The following DMXL2 variants were observed in gnomAD, a reference collection of about 807,000 sequenced individuals.
The protein encoded by DMXL2 is dmX-like protein 2.
DMXL2 carries 103 observed loss-of-function variants against 331.1 expected under a neutral mutation model. That is an observed-to-expected ratio of 0.31 (90% CI 0.27 to 0.37). DMXL2 has a LOEUF of 0.37. Among genes scored for constraint, DMXL2 ranks in the 10% least tolerant of loss-of-function variants. DMXL2 has a pLI of 1.00. For missense variants in DMXL2, 3,171 were observed against 3,642.9 expected, an observed-to-expected ratio of 0.87 and a Z score of 3.33; for synonymous variants, 1,281 against 1,252.1, an observed-to-expected ratio of 1.02 and a Z score of -0.49.
intron 33 of DMXL2, among the ~76,000 whole-genome samples, chr15:51,461,808 A>T (rs562214933): frequency 6.6e-6 from 1 of 152,162 alleles, no homozygotes; most frequent in Non-Finnish European, 1.5e-5. Flanking sequence ...ACCTAGTGCT[A>T]GGATTACAGG....
At chr15:51,598,500 T>C (rs933238590) in intron 1 of DMXL2, among the ~76,000 whole-genome samples, 3 of 152,208 alleles carry the variant, frequency 2.0e-5, no homozygotes, top group African/African-American at 4.8e-5. Context: ...ATAGTGTCCT[T>C]TATAGTAAAA....
In DMXL2 at chr15:51,464,824, G is replaced by A; in HGVS notation, c.7659C>T (p.Asn2553=). The change falls in exon 32 of 44, where the codon AAC becomes AAT. Residue 2553 remains asparagine, a synonymous_variant. Coordinates refer to ENST00000560891, the MANE Select transcript of DMXL2 (RefSeq NM_001378457.1). ...LGIAVIKNLE[N]WEQILQEKMD... is the part of the protein sequence containing the mutation. ...TTTTCTCTTGCAAGATCTGTTCCCA[G>A]TTCTCCAAGTTTTTAATCACAGCAA... is the stretch of plus-strand genomic sequence containing the variant. 6.2e-7 allele frequency: 1 copy of A among 1,614,092 alleles called. No individual in the cohort carries two copies. The highest frequency in any genetic ancestry group is 8.5e-7 in the Non-Finnish European group (1 of 1,179,992).
chr15:51,488,748 G>T, intron 20 of DMXL2, 103 bp from the exon 21 acceptor site: 2 of 999,620 alleles, frequency 2.0e-6, no homozygotes, highest in South Asian at 1.7e-5. Flanking sequence ...GATAGAAACT[G>T]TGGAGACAGA....
chr15:51,619,627 A>G (rs931026571), intron 1 of DMXL2, among the ~76,000 whole-genome samples: 1 of 152,230 alleles, frequency 6.6e-6, no homozygotes, highest in African/African-American at 2.4e-5. Flanking sequence ...ACACTGTCAT[A>G]AACTCAAAAT....
chr15:51,598,643 T>C (rs975850153), intron 1 of DMXL2, among the ~76,000 whole-genome samples: 29 of 152,344 alleles, frequency 1.9e-4, no homozygotes, highest in African/African-American at 6.7e-4. Context: ...ATAGAATATC[T>C]TAAAATGCAG....
In DMXL2 at chr15:51,560,542, G is replaced by A. The variant is rs187355938; in HGVS notation, c.567+2839C>T. ...AAAAAAAAAAAAAAACTAGCCAGAT[G>A]TGATGGTACACACCTGTATTCCCAG... On this transcript the variant is annotated intron_variant, in intron 6 of 43. Coordinates refer to ENST00000560891, the MANE Select transcript of DMXL2 (RefSeq NM_001378457.1). Among the ~76,000 whole-genome samples the A allele has an allele frequency of 2.8e-4, 38 of 136,944 alleles. No homozygotes were observed. The East Asian group carries it at 7.7e-3, about 28-fold the overall frequency. The allele number at this position is 136,944 out of a possible 152,430, so 89.8% of individuals were successfully genotyped here.
intron 9 of DMXL2, among the ~76,000 whole-genome samples, chr15:51,540,175 GACA>G (rs2048509626): frequency 6.6e-6 from 1 of 152,096 alleles, no homozygotes; most frequent in Non-Finnish European, 1.5e-5. Flanking sequence ...AAAACTGAGA[GACA>G]ACTTTTTGAG....
At chr15:51,498,441 C>G in intron 18 of DMXL2, 111 bp downstream of exon 18, 1 of 1,108,938 alleles carries the variant, frequency 9.0e-7, no homozygotes, top group East Asian at 2.5e-5. Flanking sequence ...GAGGTCTTTT[C>G]CCTGCAAAGT....
At chr15:51,556,987 AAGAT>A (rs1056078828) in intron 6 of DMXL2, among the ~76,000 whole-genome samples, 1 of 152,168 alleles carries the variant, frequency 6.6e-6, no homozygotes, top group African/African-American at 2.4e-5. Flanking sequence ...GAACAAGAAA[AAGAT>A]AGACCTGTTG....
chr15:51,449,421 C>A (rs2038940250), intron 43 of DMXL2, among the ~76,000 whole-genome samples: 1 of 152,256 alleles, frequency 6.6e-6, no homozygotes, highest in South Asian at 2.1e-4. Context: ...TTCATATTAA[C>A]CATATGTAGC....
intron 1 of DMXL2, among the ~76,000 whole-genome samples, chr15:51,615,482 G>T (rs1191896392): frequency 1.3e-5 from 2 of 152,152 alleles, no homozygotes; most frequent in Admixed American, 6.5e-5. Context: ...GTGCACTGTA[G>T]GACGTTTTAT....
intron 13 of DMXL2, among the ~76,000 whole-genome samples, chr15:51,532,453 A>AC (rs1253652494): frequency 2.0e-5 from 3 of 152,144 alleles, no homozygotes; most frequent in Admixed American, 6.5e-5. Flanking sequence ...AATTAATAAG[A>AC]CCTAGTATTT....
chr15:51,479,919 A>G (rs771972814), intron 25 of DMXL2, 29 bp downstream of exon 25: 2 of 1,431,682 alleles, frequency 1.4e-6, no homozygotes, highest in Non-Finnish European at 1.9e-6. Context: ...AGGGTGTATA[A>G]TATCAAATGA....
chr15:51,615,016 G>A (rs1345531290), intron 1 of DMXL2, among the ~76,000 whole-genome samples: 1 of 152,176 alleles, frequency 6.6e-6, no homozygotes, highest in Non-Finnish European at 1.5e-5. Context: ...ATCAGATTCT[G>A]GACGCATTTT....
In DMXL2 at chr15:51,503,027, G is replaced by T. The variant is rs753098417; in HGVS notation, c.2771C>A (p.Ala924Asp). 19 of 1,595,724 alleles carry T rather than the reference G, an allele frequency of 1.2e-5. No individual in the cohort carries two copies. Among genetic ancestry groups the T allele is most frequent in the Non-Finnish European group, 1.5e-5 (18 of 1,169,588 alleles). ...LKSVQACLAK[A>D]SEGASSESLL... ...ACTCTCAGAGGAAGCCCCTTCTGAA[G>T]CTTTAGCTTTAAAAATAAATTATAA... The change falls in exon 17 of 44, where the codon GCT (alanine) becomes GAT (aspartate). Residue 924 changes from alanine (A) to aspartate (D), a missense_variant. This residue lies in a region of DMXL2 where 1,674 missense variants were observed against 1,780.2 expected (regional missense o/e 0.94). Coordinates refer to ENST00000560891, the MANE Select transcript of DMXL2 (RefSeq NM_001378457.1).
chr15:51,536,231 G>C lies in DMXL2; in HGVS notation c.2249C>G (p.Ser750Cys). 1 of 1,613,578 alleles carries C rather than the reference G, an allele frequency of 6.2e-7. No homozygotes were observed. The highest frequency in any genetic ancestry group is 8.5e-7 in the Non-Finnish European group (1 of 1,179,762). ...ATTAGAGAACGCTGAGGTATGTAAA[G>C]AGTTAATTCGAGCCAATTCTGATAC... ...GGVSELARIN[S>C]LHTSAFSNVA... is the part of the protein sequence containing the mutation. The change falls in exon 12 of 44, where the codon TCT (serine) becomes TGT (cysteine). Residue 750 changes from serine to cysteine, a missense_variant. Physicochemically the swap from Ser to Cys is moderately radical, Grantham distance 112. Around this residue, in one of 7 missense-constraint regions of DMXL2, gnomAD observed 1,674 missense variants for 1,780.2 expected, o/e 0.94. Transcript: ENST00000560891.
chr15:51,517,218 G>A (rs749807180), intron 13 of DMXL2, 51 bp from the exon 14 acceptor site: 29 of 1,359,446 alleles, frequency 2.1e-5, no homozygotes, highest in East Asian at 1.4e-4. Flanking sequence ...ATAATCTAAT[G>A]TCAATATGAT....
intron 1 of DMXL2, among the ~76,000 whole-genome samples, chr15:51,610,479 C>T (rs2053884267): frequency 6.6e-6 from 1 of 152,036 alleles, no homozygotes; most frequent in Non-Finnish European, 1.5e-5. Flanking sequence ...ATATGAAACA[C>T]TTATAAAGGC....
intron 1 of DMXL2, among the ~76,000 whole-genome samples, chr15:51,615,931 T>A (rs2054257507): frequency 1.3e-5 from 2 of 152,226 alleles, no homozygotes; most frequent in Admixed American, 1.3e-4. Flanking sequence ...CTATGCTTAC[T>A]TGCAAAACAC....
Sources: allele counts gnomAD v4.1 joint callset (sites outside exome capture counted in the v4.1 genomes callset), GRCh38; gene constraint gnomAD v4.1.1; regional missense constraint gnomAD v4.1.1; transcripts MANE v1.5; gene names NCBI Gene and HGNC (gene_info 2026-07-23, HGNC 2026-07-21).